Variants in PLCL2 observed in about 807,000 individuals in gnomAD.
The protein encoded by PLCL2 is phospholipase C like 2, also known as inactive phospholipase C-like protein 2.
In PLCL2, 4 loss-of-function variants were observed where a neutral mutation model predicts 79.6. That is an observed-to-expected ratio of 0.05 (90% confidence interval 0.02 to 0.11). PLCL2 has a LOEUF of 0.11. PLCL2 is among the 10% of genes least tolerant of loss of function. The pLI, the probability that PLCL2 is intolerant of heterozygous loss-of-function variation, is 1.00. For missense variants in PLCL2, 895 were observed against 1,291.0 expected (o/e 0.69, Z 4.70); for synonymous variants, 484 against 457.7 (o/e 1.06, Z -0.73).
chr3:17,073,397 A>G (rs888476854), intron 5 of PLCL2, among the ~76,000 whole-genome samples: 2 of 152,240 alleles, frequency 1.3e-5, no homozygotes, highest in African/African-American at 4.8e-5. Context: ...AAAAATGCTA[A>G]TAATCATCTA....
At chr3:16,973,006 C>A (rs1051867525) in intron 1 of PLCL2, among the ~76,000 whole-genome samples, 4 of 152,034 alleles carry the variant, frequency 2.6e-5, no homozygotes, top group African/African-American at 7.2e-5. Flanking sequence ...TTGATATGTG[C>A]AGATTTGATC....
intron 5 of PLCL2, chr3:17,081,285 GGAA>G (rs1231840995): frequency 2.2e-6 from 1 of 456,112 alleles, no homozygotes; most frequent in Non-Finnish European, 4.4e-6. Context: ...CATGTGATTT[GGAA>G]GAAAAGTGTC....
intron 1 of PLCL2, among the ~76,000 whole-genome samples, chr3:16,967,867 G>T (rs148270213): frequency 1.3e-5 from 2 of 151,910 alleles, no homozygotes; most frequent in African/African-American, 2.4e-5. Context: ...CATTTCTTAC[G>T]TTATCTTCCA....
At chr3:16,992,374 A>G (rs2064113291) in intron 1 of PLCL2, among the ~76,000 whole-genome samples, 3 of 152,152 alleles carry the variant, frequency 2.0e-5, no homozygotes, top group South Asian at 2.1e-4. Flanking sequence ...GCCTTCTACC[A>G]CTGTGTTCCC....
chr3:16,942,518 C>T (rs1425993558), intron 1 of PLCL2, among the ~76,000 whole-genome samples: 1 of 152,160 alleles, frequency 6.6e-6, no homozygotes, highest in Non-Finnish European at 1.5e-5. Context: ...AGCACCGAAG[C>T]ACATGGCAGG....
intron 1 of PLCL2, among the ~76,000 whole-genome samples, chr3:16,895,093 C>A (rs1316200858): frequency 7.0e-6 from 1 of 142,422 alleles, no homozygotes; most frequent in East Asian, 2.1e-4. Flanking sequence ...TATGTTGAAA[C>A]ATGTATCTAT....
At chr3:16,931,162 T>A (rs1327758778) in intron 1 of PLCL2, among the ~76,000 whole-genome samples, 4 of 151,968 alleles carry the variant, frequency 2.6e-5, no homozygotes, top group African/African-American at 9.7e-5. Flanking sequence ...CATTTATTTT[T>A]TTTTTTAACT....
At chr3:17,017,285 T>C (rs1575588977) in intron 3 of PLCL2, among the ~76,000 whole-genome samples, 2 of 152,360 alleles carry the variant, frequency 1.3e-5, no homozygotes, top group South Asian at 4.1e-4. Flanking sequence ...TCTTTTATAA[T>C]GTATAATTGA....
chr3:16,901,995 C>A (rs1243415465), intron 1 of PLCL2, among the ~76,000 whole-genome samples: 1 of 152,192 alleles, frequency 6.6e-6, no homozygotes, highest in Non-Finnish European at 1.5e-5. Context: ...GCTGCAGTTA[C>A]CCATGGATTC....
intron 1 of PLCL2, among the ~76,000 whole-genome samples, chr3:16,988,848 T>C (rs2064076771): frequency 6.6e-6 from 1 of 152,130 alleles, no homozygotes. Context: ...ATTAACCTGG[T>C]TGTAATATTA....
chr3:16,988,450 G>T (rs2064072123), intron 1 of PLCL2, among the ~76,000 whole-genome samples: 1 of 152,064 alleles, frequency 6.6e-6, no homozygotes, highest in Non-Finnish European at 1.5e-5. Flanking sequence ...TGTTGAGATT[G>T]ACCATTTCCT....
chr3:16,937,927 TTTG>T (rs1484937406), intron 1 of PLCL2, among the ~76,000 whole-genome samples: 1 of 152,228 alleles, frequency 6.6e-6, no homozygotes, highest in East Asian at 1.9e-4. Flanking sequence ...ATTGGATTTT[TTTG>T]TAATGCAACA....
Position 16,910,035 on chromosome 3 carries a change from T to C in PLCL2, c.327+24669T>C, listed in dbSNP as rs1696841450. On this transcript the variant is annotated intron_variant, in intron 1 of 5. Coordinates refer to ENST00000615277, the MANE Select transcript of PLCL2 (RefSeq NM_001144382.2). ...CATCCACACAAAAGATCTCAATCCT[T>C]CTTCCCTCCTCAGCTAATTCATAAG... 3.9e-5 allele frequency among the ~76,000 whole-genome samples: 6 copies of C among 151,920 alleles called. No individual in the cohort carries two copies. In the South Asian group the frequency reaches 1.2e-3, roughly 32 times the overall value.
At chr3:16,917,337 G>A (rs1697020869) in intron 1 of PLCL2, among the ~76,000 whole-genome samples, 1 of 152,106 alleles carries the variant, frequency 6.6e-6, no homozygotes, top group African/African-American at 2.4e-5. Flanking sequence ...TGCTCATTTG[G>A]TTACCTACAA....
At chr3:17,079,103 G>A (rs903948161) in intron 5 of PLCL2, among the ~76,000 whole-genome samples, 7 of 152,132 alleles carry the variant, frequency 4.6e-5, no homozygotes, top group Non-Finnish European at 8.8e-5. Context: ...GATTAATAGC[G>A]CGAAGGAGGT....
chr3:16,973,520 G>A (rs1019761536), intron 1 of PLCL2, among the ~76,000 whole-genome samples: 7 of 151,786 alleles, frequency 4.6e-5, no homozygotes, highest in African/African-American at 7.3e-5. Flanking sequence ...AGAAATCTCT[G>A]TATTCCTTAA....
Position 16,955,309 on chromosome 3 carries a change from C to G in PLCL2, c.328-54365C>G, listed in dbSNP as rs150879870. Among the ~76,000 whole-genome samples the G allele has an allele frequency of 7.6e-3, 1,162 of 152,166 alleles. 16 individuals carry two copies. Among genetic ancestry groups the G allele is most frequent in the African/African-American group, 0.026 (1,075 of 41,514 alleles). ...ATCTTTCCTCCCATTTCTTGTTTTT[C>G]TCAGGTTTGTCAAAGATCAGATGGT... On this transcript the variant is annotated intron_variant, in intron 1 of 5. Coordinates refer to ENST00000615277, the MANE Select transcript of PLCL2 (RefSeq NM_001144382.2).
intron 1 of PLCL2, among the ~76,000 whole-genome samples, chr3:16,924,757 A>G (rs1697205479): frequency 6.6e-6 from 1 of 152,160 alleles, no homozygotes; most frequent in Non-Finnish European, 1.5e-5. Context: ...AGCACCATGG[A>G]GGGTAGTTTA....
chr3:16,972,567 A>G (rs955874225), intron 1 of PLCL2, among the ~76,000 whole-genome samples: 7 of 152,096 alleles, frequency 4.6e-5, no homozygotes, highest in African/African-American at 1.7e-4. Context: ...ATGATCTAAC[A>G]TTGTTGGTGG....
Sources: allele counts gnomAD v4.1 joint callset (sites outside exome capture counted in the v4.1 genomes callset), GRCh38; gene constraint gnomAD v4.1.1; transcripts MANE v1.5; gene names NCBI Gene and HGNC (gene_info 2026-07-23, HGNC 2026-07-21).